The following DNM3 variants were observed in gnomAD, a reference collection of about 807,000 sequenced individuals.
DNM3 encodes dynamin-3.
A neutral mutation model predicts 101.6 loss-of-function variants in DNM3; 47 were observed. That is an observed-to-expected ratio of 0.46 (90% CI 0.37 to 0.59). The LOEUF is 0.59. Among genes scored for constraint, DNM3 ranks in the 20% least tolerant of loss-of-function variants. The pLI, the probability that DNM3 is intolerant of heterozygous loss-of-function variation, is 0.00. For missense variants in DNM3, 849 were observed against 1,085.7 expected (o/e 0.78, Z 3.06); for synonymous variants, 385 against 387.9 (o/e 0.99, Z 0.09).
chr1:172,288,982 T>G (rs917622266), intron 15 of DNM3, among the ~76,000 whole-genome samples: 1 of 152,160 alleles, frequency 6.6e-6, no homozygotes, highest in African/African-American at 2.4e-5. Context: ...TAAGTTCCGT[T>G]TCCTAATATA....
chr1:172,217,222 G>A (rs1298983754), intron 14 of DNM3, among the ~76,000 whole-genome samples: 2 of 152,052 alleles, frequency 1.3e-5, no homozygotes, highest in African/African-American at 4.8e-5. Flanking sequence ...TTAAAATATG[G>A]AAAGGTGGAG....
Position 172,409,545 on chromosome 1 carries a change from C to T in DNM3, c.*1704C>T. ...AAGGTTACCAGTGATTGTATAAAAA[C>T]ATCACAATCCTAAATCCTCTCGTAT... On this transcript the variant is annotated 3_prime_UTR_variant, in exon 21 of 21. Coordinates refer to ENST00000627582, the MANE Select transcript of DNM3 (RefSeq NM_015569.5). The T allele has an allele frequency of 1.0e-6, 1 of 984,200 alleles. No homozygotes were observed. The highest frequency in any genetic ancestry group is 1.7e-5 in the African/African-American group (1 of 57,300). 61.0% of individuals were successfully genotyped at this position (984,200 alleles called of 1,614,324 possible). A position where few individuals can be genotyped will look rare whatever the true frequency, so the allele number is the denominator to read the frequency against.
chr1:171,849,673 C>A (rs1321296055), intron 1 of DNM3, among the ~76,000 whole-genome samples: 1 of 151,656 alleles, frequency 6.6e-6, no homozygotes, highest in East Asian at 1.9e-4. Context: ...TTTTTTTAAA[C>A]CAATATATAC....
chr1:171,976,298 A>G (rs1259418966), intron 2 of DNM3, among the ~76,000 whole-genome samples: 2 of 152,234 alleles, frequency 1.3e-5, no homozygotes, highest in Non-Finnish European at 2.9e-5. Context: ...GCTAGTAAAG[A>G]CATACTGGAG....
At chr1:172,336,164 C>G (rs887355319) in intron 17 of DNM3, among the ~76,000 whole-genome samples, 1 of 151,992 alleles carries the variant, frequency 6.6e-6, no homozygotes, top group African/African-American at 2.4e-5. Context: ...AAAGAATGAT[C>G]CGTCTAAAAT....
At chr1:172,254,508 A>G (rs1405642302) in intron 15 of DNM3, among the ~76,000 whole-genome samples, 1 of 152,152 alleles carries the variant, frequency 6.6e-6, no homozygotes, top group South Asian at 2.1e-4. Flanking sequence ...ATTGCCTTTG[A>G]GATCAAAAGG....
chr1:172,008,926 T>C (rs1430422583), intron 4 of DNM3, among the ~76,000 whole-genome samples: 1 of 138,356 alleles, frequency 7.2e-6, no homozygotes, highest in Non-Finnish European at 1.5e-5. Flanking sequence ...AATATTATAT[T>C]AATTAAATAT....
intron 14 of DNM3, among the ~76,000 whole-genome samples, chr1:172,233,682 C>A (rs1241838904): frequency 6.6e-6 from 1 of 152,170 alleles, no homozygotes; most frequent in African/African-American, 2.4e-5. Flanking sequence ...CATCAAAAAG[C>A]TTATCCACCA....
intron 18 of DNM3, among the ~76,000 whole-genome samples, chr1:172,386,444 T>G (rs2069185611): frequency 1.3e-5 from 2 of 152,130 alleles, no homozygotes. Context: ...TGTTCATACT[T>G]TAGTTTGTTT....
At chr1:172,027,467 G>A (rs1399526112) in intron 4 of DNM3, among the ~76,000 whole-genome samples, 1 of 152,036 alleles carries the variant, frequency 6.6e-6, no homozygotes, top group African/African-American at 2.4e-5. Context: ...CATAGTCCCA[G>A]CTACTCAGGA....
At chr1:171,928,925 G>C (rs144583414) in intron 2 of DNM3, among the ~76,000 whole-genome samples, 1,749 of 152,310 alleles carry the variant, frequency 0.011, 34 homozygotes, top group African/African-American at 0.039. Context: ...ACCAGTGAAG[G>C]CTGCAAAACA....
intron 1 of DNM3, among the ~76,000 whole-genome samples, chr1:171,856,976 T>C (rs2033673254): frequency 6.6e-6 from 1 of 152,196 alleles, no homozygotes; most frequent in Non-Finnish European, 1.5e-5. Context: ...TAGATCGAGA[T>C]GAAGCCAGAC....
At chr1:172,336,002 G>A (rs1306017842) in intron 17 of DNM3, among the ~76,000 whole-genome samples, 1 of 152,032 alleles carries the variant, frequency 6.6e-6, no homozygotes, top group African/African-American at 2.4e-5. Flanking sequence ...TATCACATCT[G>A]AGAGTGGTAA....
At chr1:172,300,957 C>A (rs1294583213) in intron 15 of DNM3, among the ~76,000 whole-genome samples, 1 of 152,140 alleles carries the variant, frequency 6.6e-6, no homozygotes, top group Non-Finnish European at 1.5e-5. Flanking sequence ...TTTTTCACAT[C>A]AAGATTCCTT....
chr1:172,414,751 T>TAAAAAA (rs11378822), downstream of DNM3, among the ~76,000 whole-genome samples: 16 of 100,186 alleles, frequency 1.6e-4, no homozygotes, highest in Non-Finnish European at 2.6e-4. Context: ...ACCTCATCTC[T>TAAAAAA]AAAAAAAAAA....
intron 15 of DNM3, among the ~76,000 whole-genome samples, chr1:172,302,623 C>T (rs1014767436): frequency 6.6e-6 from 1 of 152,134 alleles, no homozygotes; most frequent in Non-Finnish European, 1.5e-5. Context: ...CCAGTAGGGG[C>T]TGACTGACAC....
chr1:172,133,130 T>C, intron 14 of DNM3: 1 of 1,399,662 alleles, frequency 7.1e-7, no homozygotes, highest in Non-Finnish European at 9.2e-7. Flanking sequence ...GCAGAGACAC[T>C]GAAGACTCTG....
At chr1:172,301,254 C>A (rs2064433280) in intron 15 of DNM3, among the ~76,000 whole-genome samples, 1 of 152,174 alleles carries the variant, frequency 6.6e-6, no homozygotes, top group Non-Finnish European at 1.5e-5. Context: ...GTAATTCCAG[C>A]ACTTTAGGAG....
intron 20 of DNM3, among the ~76,000 whole-genome samples, chr1:172,391,333 G>A (rs796227694): frequency 6.6e-6 from 1 of 152,098 alleles, no homozygotes; most frequent in South Asian, 2.1e-4. Context: ...CCCGGGGAAG[G>A]GGGCTGGGGG....
Sources: gnomAD v4.1 joint callset for allele counts (sites outside exome capture counted in the v4.1 genomes callset) on GRCh38, gnomAD v4.1.1 for gene constraint, MANE v1.5 for transcripts, NCBI Gene and HGNC (gene_info 2026-07-23, HGNC 2026-07-21) for gene names.